The following PKD2L1 variants were observed in gnomAD, a reference collection of about 807,000 sequenced individuals.
The protein encoded by PKD2L1 is polycystin-2-like protein 1.
In PKD2L1, 77 loss-of-function variants were observed where a neutral mutation model predicts 93.0. The observed-to-expected ratio is 0.83, with a 90% CI of 0.69 to 1.00. The LOEUF is 1.00. Among genes scored for constraint, PKD2L1 ranks in the 50% least tolerant of loss-of-function variants. The pLI, the probability that PKD2L1 is intolerant of heterozygous loss-of-function variation, is 0.00. For synonymous variants in PKD2L1, 390 were observed against 388.0 expected, an observed-to-expected ratio of 1.01 and a Z score of -0.06; for missense variants, 977 against 990.9, an observed-to-expected ratio of 0.99 and a Z score of 0.19.
At chr10:100,313,207 A>G (rs1848972667) in intron 2 of PKD2L1, among the ~76,000 whole-genome samples, 1 of 152,142 alleles carries the variant, frequency 6.6e-6, no homozygotes, top group South Asian at 2.1e-4. Flanking sequence ...TAAAGCTACA[A>G]AGAGTATACT....
At chr10:100,327,164 G>A (rs61696008) in intron 2 of PKD2L1, among the ~76,000 whole-genome samples, 3,486 of 152,286 alleles carry the variant, frequency 0.023, 95 homozygotes, top group African/African-American at 0.059. Context: ...AGGAAACAGA[G>A]CTGCCCAATA....
intron 4 of PKD2L1, among the ~76,000 whole-genome samples, chr10:100,298,223 A>G (rs1295961613): frequency 6.6e-6 from 1 of 152,038 alleles, no homozygotes; most frequent in Admixed American, 6.5e-5. Flanking sequence ...GGGTTCTTCA[A>G]TTTCACCCAT....
chr10:100,292,588 C>T (rs748312829), intron 11 of PKD2L1, among the ~76,000 whole-genome samples: 8 of 151,952 alleles, frequency 5.3e-5, no homozygotes, highest in Non-Finnish European at 1.2e-4. Context: ...ATATGTTTGA[C>T]TGGGAATCAG....
Position 100,298,672 on chromosome 10 carries a change from A to G in PKD2L1, c.621T>C (p.Asn207=), listed in dbSNP as rs752437681. ...VPRLRQLKVR[N]DSCVVHEDFR... ...AGTCTTCATGCACCACACAGGAGTCATTGCGGACCTTTAGCTGCCGCAGCC... is the reference window on the plus strand; with the variant it reads ...AGTCTTCATGCACCACACAGGAGTCGTTGCGGACCTTTAGCTGCCGCAGCC... The change falls in exon 4 of 16, where the codon AAT becomes AAC. Residue 207 remains asparagine (N), a synonymous_variant. Coordinates refer to ENST00000318222, the MANE Select transcript of PKD2L1 (RefSeq NM_016112.3). 5 of 1,614,186 alleles carry G rather than the reference A, an allele frequency of 3.1e-6. No individual in the cohort carries two copies. In the South Asian group the frequency reaches 4.4e-5, roughly 14 times the overall value.
In PKD2L1 at chr10:100,297,374, G is replaced by A; in HGVS notation, c.956+8C>T. 2 of 1,608,740 alleles carry A rather than the reference G, an allele frequency of 1.2e-6. No homozygotes were observed. Among genetic ancestry groups the A allele is most frequent in the Middle Eastern group, 1.7e-4 (1 of 6,052 alleles). ...GACAGGGTGATAAAGTAGGGAAAGG[G>A]GGCTCACCTCAGGACACAGAAAAGA... On this transcript the variant is annotated splice_region_variant and intron_variant, in intron 5 of 15. Coordinates refer to ENST00000318222, the MANE Select transcript of PKD2L1 (RefSeq NM_016112.3).
At chr10:100,304,244 C>T (rs1298716293) in intron 2 of PKD2L1, among the ~76,000 whole-genome samples, 8 of 152,138 alleles carry the variant, frequency 5.3e-5, no homozygotes, top group Admixed American at 3.3e-4. Context: ...ACTCTTTCTC[C>T]CTCATTAATT....
chr10:100,318,322 A>G (rs932475431), intron 2 of PKD2L1, among the ~76,000 whole-genome samples: 18 of 152,158 alleles, frequency 1.2e-4, no homozygotes, highest in Non-Finnish European at 2.5e-4. Context: ...TGCTGATTCC[A>G]TCTTACCCAT....
chr10:100,321,700 AAAGAAAGAAAGAAAG>A, intron 2 of PKD2L1, among the ~76,000 whole-genome samples: 2 of 3,682 alleles, frequency 5.4e-4, no homozygotes, highest in Non-Finnish European at 1.3e-3. Context: ...AGAAAGAAAG[AAAGAAAGAAAGAAAG>A]AAAGAAAGAA....
In PKD2L1 at chr10:100,330,138, G is replaced by A; in HGVS notation, c.-35C>T. ...GGTGGGGGGGCCCGGTACCCCAGGT[G>A]CCCACTCTCAGCTAGAGGAAGAGGG... is the stretch of plus-strand genomic sequence containing the variant. On this transcript the variant is annotated 5_prime_UTR_variant, in exon 1 of 16. Coordinates refer to ENST00000318222, the MANE Select transcript of PKD2L1 (RefSeq NM_016112.3). 1 of 1,357,420 alleles carries A rather than the reference G, an allele frequency of 7.4e-7. No individual in the cohort carries two copies. 84.1% of individuals were successfully genotyped at this position (1,357,420 alleles called of 1,614,324 possible).
chr10:100,293,226 G>C, intron 10 of PKD2L1, 55 bp downstream of exon 10: 1 of 1,513,698 alleles, frequency 6.6e-7, no homozygotes, highest in Non-Finnish European at 9.2e-7. Context: ...AGGACACAGA[G>C]CCTTAGACTG....
intron 10 of PKD2L1, 57 bp from the exon 11 acceptor site, chr10:100,293,126 C>T (rs879188134): frequency 1.3e-6 from 2 of 1,597,216 alleles, no homozygotes; most frequent in East Asian, 4.5e-5. Context: ...CATCCCTGGC[C>T]CCCAGCCCCA....
chr10:100,289,761 T>C (rs757583347), intron 14 of PKD2L1, among the ~76,000 whole-genome samples: 8 of 152,098 alleles, frequency 5.3e-5, no homozygotes, highest in Non-Finnish European at 7.4e-5. Context: ...TCTATGATAA[T>C]TTATTATATC....
intron 2 of PKD2L1, among the ~76,000 whole-genome samples, chr10:100,307,715 C>A (rs139042971): frequency 3.0e-4 from 45 of 152,184 alleles, no homozygotes; most frequent in Non-Finnish European, 5.0e-4. Context: ...AAAAGGCAGT[C>A]CTTCTTCACC....
At position 100,316,473 on chromosome 10, in the gene PKD2L1, G is replaced by C. The variant is rs543296362; in HGVS notation, c.349+12738C>G. ...GGTGTGAGCCATCTTGCCCAGCCTT[G>C]TCTCAGGTATTTCAAAACCCTCAGC... On this transcript the variant is annotated intron_variant, in intron 2 of 15. Coordinates refer to ENST00000318222, the MANE Select transcript of PKD2L1 (RefSeq NM_016112.3). 3.5e-4 allele frequency among the ~76,000 whole-genome samples: 54 copies of C among 152,232 alleles called. 1 individual carries two copies. The highest frequency in any genetic ancestry group is 7.2e-4 in the Non-Finnish European group (49 of 68,052).
At chr10:100,316,668 C>T (rs1161501037) in intron 2 of PKD2L1, among the ~76,000 whole-genome samples, 3 of 152,232 alleles carry the variant, frequency 2.0e-5, no homozygotes, top group African/African-American at 7.2e-5. Flanking sequence ...CCAGCTTAGA[C>T]TCAGTCTCTG....
intron 2 of PKD2L1, among the ~76,000 whole-genome samples, chr10:100,305,992 G>A (rs111801938): frequency 4.6e-5 from 7 of 152,164 alleles, no homozygotes; most frequent in African/African-American, 1.4e-4. Context: ...ATATCAGCCT[G>A]GGCAACGTGG....
At chr10:100,307,588 A>T (rs562757397) in intron 2 of PKD2L1, among the ~76,000 whole-genome samples, 7 of 152,274 alleles carry the variant, frequency 4.6e-5, no homozygotes, top group African/African-American at 1.4e-4. Flanking sequence ...TGAGCCCTGG[A>T]GGTTGAGGTT....
intron 7 of PKD2L1, among the ~76,000 whole-genome samples, chr10:100,295,913 G>A (rs1848523706): frequency 6.6e-6 from 1 of 151,542 alleles, no homozygotes; most frequent in Non-Finnish European, 1.5e-5. Flanking sequence ...GTGGGTGCCT[G>A]TAGTCCCAGC....
At chr10:100,300,718 G>T (rs1278719615) in intron 2 of PKD2L1, among the ~76,000 whole-genome samples, 1 of 152,174 alleles carries the variant, frequency 6.6e-6, no homozygotes, top group Non-Finnish European at 1.5e-5. Context: ...TTGATCTTTT[G>T]TTAAGGTGGT....
Sources: gnomAD v4.1 joint callset for allele counts (sites outside exome capture counted in the v4.1 genomes callset) on GRCh38, gnomAD v4.1.1 for gene constraint, MANE v1.5 for transcripts, NCBI Gene and HGNC (gene_info 2026-07-23, HGNC 2026-07-21) for gene names.